SLC8A1: variants seen among roughly 807,000 people sequenced by gnomAD.
SLC8A1 encodes solute carrier family 8 member A1.
A neutral mutation model predicts 68.3 loss-of-function variants in SLC8A1; 18 were observed. The ratio of observed to expected loss-of-function variants is 0.26; its 90% confidence interval spans 0.18 to 0.39. The LOEUF is 0.39. Ranked by LOEUF, SLC8A1 falls within the 10% of genes least tolerant of loss-of-function variation. The pLI, the probability that SLC8A1 is intolerant of heterozygous loss-of-function variation, is 1.00. For missense variants in SLC8A1, 985 were observed against 1,156.7 expected (o/e 0.85, Z 2.15); for synonymous variants, 475 against 415.5 (o/e 1.14, Z -1.74).
At chr2:40,230,437 C>T (rs2059505742) in intron 2 of SLC8A1, among the ~76,000 whole-genome samples, 3 of 152,110 alleles carry the variant, frequency 2.0e-5, no homozygotes, top group African/African-American at 7.2e-5. Context: ...AACAGCCACA[C>T]ATTGCACCTT....
rs535511098 is a variant in SLC8A1 at position 40,268,535 on chromosome 2, G to A, written c.1809-90680C>T. On this transcript the variant is annotated intron_variant, in intron 2 of 7. Transcript: ENST00000406785. ...GAATGCCTTGGTACCCCCCATTAAT[G>A]TTAATAGGAATCATGTGGATAATTC... Among the ~76,000 whole-genome samples, 4 of 152,308 alleles carry A rather than the reference G, an allele frequency of 2.6e-5. No homozygotes were observed. In the East Asian group the frequency reaches 5.8e-4, roughly 22 times the overall value.
chr2:40,364,657 C>T (rs1575724474), intron 2 of SLC8A1, among the ~76,000 whole-genome samples: 1 of 151,994 alleles, frequency 6.6e-6, no homozygotes, highest in Non-Finnish European at 1.5e-5. Flanking sequence ...GTTAGTACTA[C>T]TATATCCATC....
chr2:40,410,468 A>G lies in SLC8A1; in HGVS notation c.1808+18005T>C, dbSNP rs1373323118. ...TATGAGTACTACAGGAAAGAAGAAA[A>G]CTTTAGAGATAATCTATTTGCAAAT... On this transcript the variant is annotated intron_variant, in intron 2 of 7. Transcript: ENST00000406785. Among the ~76,000 whole-genome samples the G allele has an allele frequency of 2.6e-5, 4 of 152,222 alleles. No individual in the cohort carries two copies. The East Asian group carries it at 7.7e-4, about 29-fold the overall frequency.
chr2:40,394,801 C>T (rs1360672784), intron 2 of SLC8A1, among the ~76,000 whole-genome samples: 6 of 152,116 alleles, frequency 3.9e-5, no homozygotes, highest in South Asian at 2.1e-4. Context: ...TTAATCTACC[C>T]ATCATGCTAG....
intron 2 of SLC8A1, among the ~76,000 whole-genome samples, chr2:40,196,346 C>G (rs2053014595): frequency 6.6e-6 from 1 of 151,940 alleles, no homozygotes; most frequent in African/African-American, 2.4e-5. Flanking sequence ...TGCATTAAAA[C>G]TTAAGAAGTG....
At position 40,325,980 on chromosome 2, in the gene SLC8A1, G is replaced by A. The variant is rs546132468; in HGVS notation, c.1808+102493C>T. On this transcript the variant is annotated intron_variant, in intron 2 of 7. Transcript: ENST00000406785. ...GCCTCCATAATGTCAAGAAGCATGAGCTGCCTTCTTCACACGCCCACAGGG... is the reference window on the plus strand; with the variant it reads ...GCCTCCATAATGTCAAGAAGCATGAACTGCCTTCTTCACACGCCCACAGGG... 5.3e-5 allele frequency among the ~76,000 whole-genome samples: 8 copies of A among 152,120 alleles called. No homozygotes were observed. In the East Asian group the frequency reaches 1.6e-3, roughly 30 times the overall value.
intron 6 of SLC8A1, among the ~76,000 whole-genome samples, chr2:40,144,475 A>T (rs1471719693): frequency 6.6e-6 from 1 of 152,154 alleles, no homozygotes; most frequent in Non-Finnish European, 1.5e-5. Flanking sequence ...AAAATGCCTT[A>T]TGGAAGAAAG....
chr2:40,385,405 C>A (rs1683240688), intron 2 of SLC8A1, among the ~76,000 whole-genome samples: 1 of 149,824 alleles, frequency 6.7e-6, no homozygotes, highest in Non-Finnish European at 1.5e-5. Context: ...CTACCTTTCT[C>A]TTTTAATCTC....
intron 2 of SLC8A1, among the ~76,000 whole-genome samples, chr2:40,343,004 GCTTAAA>G (rs943520933): frequency 1.9e-4 from 29 of 151,922 alleles, no homozygotes; most frequent in African/African-American, 5.1e-4. Context: ...TGTTGCATAA[GCTTAAA>G]CTTAAACTTT....
chr2:40,178,736 T>G (rs2048921752), intron 2 of SLC8A1, among the ~76,000 whole-genome samples: 1 of 152,166 alleles, frequency 6.6e-6, no homozygotes, highest in African/African-American at 2.4e-5. Context: ...AATATAGCAT[T>G]CAGTATTAAT....
intron 2 of SLC8A1, among the ~76,000 whole-genome samples, chr2:40,301,362 T>C (rs997592883): frequency 1.3e-5 from 2 of 152,180 alleles, no homozygotes; most frequent in Admixed American, 6.5e-5. Context: ...AGAACATAAA[T>C]ATGAATCCAA....
intron 4 of SLC8A1, 102 bp downstream of exon 7, chr2:40,170,179 T>C: frequency 1.0e-6 from 1 of 993,764 alleles, no homozygotes; most frequent in Non-Finnish European, 1.6e-6. Context: ...TATTTAGCAA[T>C]GTTTTACAGA....
intron 2 of SLC8A1, among the ~76,000 whole-genome samples, chr2:40,370,109 G>T (rs912826130): frequency 1.3e-5 from 2 of 152,052 alleles, no homozygotes; most frequent in Non-Finnish European, 2.9e-5. Context: ...AATTCTAGAT[G>T]ATCTAGGCAA....
Position 40,322,293 on chromosome 2 carries a change from A to G in SLC8A1, c.1808+106180T>C, listed in dbSNP as rs567473517. On this transcript the variant is annotated intron_variant, in intron 2 of 7. Transcript: ENST00000406785. The stretch of plus-strand genomic sequence containing the variant: ...TTTTTCATTCCATGGAACCACCCCA[A>G]TATCTTCAACTCAGTAGGTAATCCA... Among the ~76,000 whole-genome samples the G allele has an allele frequency of 7.2e-5, 11 of 152,110 alleles. No individual in the cohort carries two copies. The East Asian group carries it at 2.1e-3, about 30-fold the overall frequency.
intron 2 of SLC8A1, among the ~76,000 whole-genome samples, chr2:40,423,784 A>G (rs1696140764): frequency 1.3e-5 from 2 of 152,130 alleles, no homozygotes; most frequent in Admixed American, 1.3e-4. Context: ...CAGACTCATA[A>G]ATGTTTTTTG....
intron 2 of SLC8A1, among the ~76,000 whole-genome samples, chr2:40,366,249 A>C (rs570295971): frequency 2.0e-5 from 3 of 152,108 alleles, no homozygotes; most frequent in Admixed American, 6.6e-5. Context: ...ACTTTTTAAC[A>C]TTATTAAGTT....
chr2:40,342,216 C>T (rs188098587), intron 2 of SLC8A1, among the ~76,000 whole-genome samples: 2,149 of 152,182 alleles, frequency 0.014, 22 homozygotes, highest in Non-Finnish European at 0.02. Flanking sequence ...ATTAACTACT[C>T]GTATCTAACA....
intron 2 of SLC8A1, among the ~76,000 whole-genome samples, chr2:40,195,151 G>A (rs969162620): frequency 6.6e-6 from 1 of 152,028 alleles, no homozygotes; most frequent in African/African-American, 2.4e-5. Context: ...TCAACACAGG[G>A]AAGCAAAAAC....
At chr2:40,452,448 C>T (rs1702678905), upstream of SLC8A1, among the ~76,000 whole-genome samples, 1 of 152,162 alleles carries the variant, frequency 6.6e-6, no homozygotes, top group Admixed American at 6.5e-5. Flanking sequence ...CTAGCGCTGT[C>T]TCTCGCACCC....
Sources: gnomAD v4.1 joint callset for allele counts (sites outside exome capture counted in the v4.1 genomes callset) on GRCh38, gnomAD v4.1.1 for gene constraint, MANE v1.5 for transcripts, NCBI Gene and HGNC (gene_info 2026-07-23, HGNC 2026-07-21) for gene names.